CENPM: variants seen among roughly 807,000 people sequenced by gnomAD.
CENPM encodes interphase centromere complex protein 39.
In CENPM, 14 loss-of-function variants were observed where a neutral mutation model predicts 19.6. That is an observed-to-expected ratio of 0.71 (90% CI 0.47 to 1.11). The LOEUF is 1.11. Ranked by LOEUF, CENPM falls within the 50% of genes most tolerant of loss-of-function variation. CENPM has a pLI of 0.00. For synonymous variants in CENPM, 114 were observed against 101.5 expected, an observed-to-expected ratio of 1.12 and a Z score of -0.74; for missense variants, 239 against 228.4, an observed-to-expected ratio of 1.05 and a Z score of -0.30.
At chr22:41,946,380 AG>A (rs1249944521) in intron 2 of CENPM, 36 bp downstream of exon 2, 1 of 1,572,472 alleles carries the variant, frequency 6.4e-7, no homozygotes, top group South Asian at 1.1e-5. Flanking sequence ...CTGGAGTGAG[AG>A]ACACGTGGGC....
At chr22:41,946,735 C>G in intron 1 of CENPM, 1 of 598,230 alleles carries the variant, frequency 1.7e-6, no homozygotes, top group Non-Finnish European at 3.0e-6. Flanking sequence ...CCGCCGGCCT[C>G]TCCAGGAGGC....
intron 5 of CENPM, among the ~76,000 whole-genome samples, chr22:41,943,073 A>G (rs1208301538): frequency 1.3e-5 from 2 of 152,044 alleles, no homozygotes; most frequent in Admixed American, 6.6e-5. Flanking sequence ...CTACCCACCT[A>G]CCCAACAAAC....
At chr22:41,938,134 G>A (rs1017914628), downstream of CENPM, among the ~76,000 whole-genome samples, 1 of 116,256 alleles carries the variant, frequency 8.6e-6, no homozygotes, top group African/African-American at 3.5e-5. Context: ...GAACCACCGC[G>A]CCCAGCATTT....
chr22:41,928,163 GA>G, the CENPM span: 1 of 431,218 alleles, frequency 2.3e-6, no homozygotes, highest in Non-Finnish European at 4.6e-6. The surrounding 1 kb of genome is among the most constrained non-coding windows in gnomAD (Gnocchi z 4.0). Flanking sequence ...GAGGACCCAG[GA>G]AGATCTGCCT....
chr22:41,935,765 C>T (rs1483308790), downstream of CENPM, among the ~76,000 whole-genome samples: 2 of 152,244 alleles, frequency 1.3e-5, no homozygotes, highest in Admixed American at 6.5e-5. Context: ...CTAGTGGTCC[C>T]ATCCTGAGGC....
At chr22:41,933,914 G>A (rs930433815), downstream of CENPM, among the ~76,000 whole-genome samples, 4 of 152,306 alleles carry the variant, frequency 2.6e-5, no homozygotes, top group South Asian at 2.1e-4. Flanking sequence ...CTGCCAGCCC[G>A]TACCGAGCCA....
intron 1 of CENPM, 138 bp downstream of exon 1, chr22:41,946,882 A>G (rs2077811591): frequency 1.2e-6 from 1 of 829,800 alleles, no homozygotes; most frequent in African/African-American, 1.7e-5. Context: ...GGTTCAGAGC[A>G]TGGCTCTCCG....
At chr22:41,945,839 G>T in intron 3 of CENPM, 74 bp downstream of exon 3, 1 of 1,217,038 alleles carries the variant, frequency 8.2e-7, no homozygotes, top group Non-Finnish European at 1.2e-6. Flanking sequence ...CCCATCACAA[G>T]TTAGGTCACC....
chr22:41,935,097 G>A (rs2077678231), downstream of CENPM, among the ~76,000 whole-genome samples: 1 of 152,224 alleles, frequency 6.6e-6, no homozygotes, highest in African/African-American at 2.4e-5. Flanking sequence ...AGGCCTCCTG[G>A]TTCCAGGGCC....
At chr22:41,936,525 T>C (rs548524988), downstream of CENPM, among the ~76,000 whole-genome samples, 1 of 152,240 alleles carries the variant, frequency 6.6e-6, no homozygotes, top group East Asian at 1.9e-4. Flanking sequence ...AGAAGGAACC[T>C]ACAGAAAGGG....
the CENPM span, among the ~76,000 whole-genome samples, chr22:41,932,857 G>A: frequency 2.0e-5 from 3 of 152,336 alleles, no homozygotes; most frequent in South Asian, 4.1e-4. The surrounding 1 kb of genome is among the most constrained non-coding windows in gnomAD (Gnocchi z 4.3). Flanking sequence ...ACCCCTGCGC[G>A]GATGCCTCCC....
the CENPM span, among the ~76,000 whole-genome samples, chr22:41,929,803 TGGGGTG>T: frequency 8.9e-5 from 1 of 11,228 alleles, no homozygotes. Flanking sequence ...GCCTCCTAAA[TGGGGTG>T]GGGGTGGGGG....
downstream of CENPM, among the ~76,000 whole-genome samples, chr22:41,938,467 G>A (rs997887302): frequency 6.8e-6 from 1 of 146,320 alleles, no homozygotes; most frequent in Non-Finnish European, 1.5e-5. Flanking sequence ...CCGGGTTCAA[G>A]TGATTCTCCT....
chr22:41,936,579 C>T (rs941257962), downstream of CENPM, among the ~76,000 whole-genome samples: 4 of 152,192 alleles, frequency 2.6e-5, no homozygotes, highest in African/African-American at 9.7e-5. Flanking sequence ...AGTTAGAAGG[C>T]GGCCCACCCC....
Position 41,945,234 on chromosome 22 carries a change from C to T in CENPM, c.301G>A (p.Ala101Thr), listed in dbSNP as rs144460487. ...CGAGGAACGTACTTACCACCTGTGGCGAGGAAACACACCTTCCCCAAGAAG... is the reference window on the plus strand; with the variant it reads ...CGAGGAACGTACTTACCACCTGTGGTGAGGAAACACACCTTCCCCAAGAAG... ...SFFLGKVCFLATGAGRESHCS... is the reference protein window; with the variant it reads ...SFFLGKVCFLTTGAGRESHCS... The change falls in exon 4 of 6, where the codon GCC (alanine) becomes ACC (threonine). Residue 101 changes from alanine (A) to threonine (T), a missense_variant. Transcript: ENST00000215980. The T allele has an allele frequency of 7.4e-6, 12 of 1,613,786 alleles. No homozygotes were observed. The highest frequency in any genetic ancestry group is 1.3e-5 in the African/African-American group (1 of 74,822).
At chr22:41,946,852 A>T in intron 1 of CENPM, 168 bp downstream of exon 1, 1 of 659,660 alleles carries the variant, frequency 1.5e-6, no homozygotes, top group Non-Finnish European at 2.7e-6. Flanking sequence ...CCTCAACCTC[A>T]GAGAGCGGCT....
At chr22:41,946,957 T>G (rs1051523346) in intron 1 of CENPM, 63 bp downstream of exon 1, 1 of 1,539,062 alleles carries the variant, frequency 6.5e-7, no homozygotes, top group Non-Finnish European at 9.0e-7. Flanking sequence ...TCAGTTGACC[T>G]AGTGGCTGAA....
chr22:41,932,614 A>G, the CENPM span, among the ~76,000 whole-genome samples: 1 of 152,232 alleles, frequency 6.6e-6, no homozygotes, highest in African/African-American at 2.4e-5. The surrounding 1 kb of genome is among the most constrained non-coding windows in gnomAD (Gnocchi z 4.3). Context: ...AGCCACTCTC[A>G]GCATGGCCCC....
chr22:41,945,243 A>G lies in CENPM; in HGVS notation c.292T>C (p.Cys98Arg). ...VDASFFLGKV[C>R]FLATGAGRES... ...TACTTACCACCTGTGGCGAGGAAAC[A>G]CACCTTCCCCAAGAAGAAGCTGGCA... The change falls in exon 4 of 6, where the codon TGT (cysteine) becomes CGT (arginine). Residue 98 changes from cysteine to arginine, a missense_variant. By Grantham distance (180) the Cys-to-Arg change is radical. Coordinates refer to ENST00000215980, the MANE Select transcript of CENPM (RefSeq NM_024053.5). 1.9e-6 allele frequency: 3 copies of G among 1,613,868 alleles called. No homozygotes were observed. Among genetic ancestry groups the G allele is most frequent in the Non-Finnish European group, 2.5e-6 (3 of 1,179,990 alleles).
Sources: gnomAD v4.1 joint callset for allele counts (sites outside exome capture counted in the v4.1 genomes callset) on GRCh38, gnomAD v4.1.1 for gene constraint, Gnocchi (gnomAD v3.1) non-coding constraint, MANE v1.5 for transcripts, NCBI Gene and HGNC (gene_info 2026-07-23, HGNC 2026-07-21) for gene names.